Variants in MTMR8 observed in about 807,000 individuals in gnomAD.
MTMR8 encodes the protein myotubularin related protein 8.
In MTMR8, 65 loss-of-function variants were observed where a neutral mutation model predicts 39.3. That is an observed-to-expected ratio of 1.65 (90% confidence interval 1.35 to 2.03). MTMR8 has a LOEUF of 2.03. Among genes scored for constraint, MTMR8 ranks in the 30% most tolerant of loss-of-function variants. MTMR8 has a pLI of 0.00. For missense variants in MTMR8, 777 were observed against 538.9 expected, an observed-to-expected ratio of 1.44 and a Z score of -4.37; for synonymous variants, 245 against 185.2, an observed-to-expected ratio of 1.32 and a Z score of -2.62.
rs748326400 is a variant in MTMR8, at chrX:64,340,387, G to A, written c.976-2994C>T. On this transcript the variant is annotated intron_variant, in intron 8 of 13. Transcript: ENST00000374852. The stretch of plus-strand genomic sequence containing the variant: ...GAAGAACCAGGATGGAAAAGAAGAC[G>A]GCAAGGCTGTTCCCAACATCCTTAA... Among the ~76,000 whole-genome samples, 180 of 111,326 alleles carry A rather than the reference G, an allele frequency of 1.6e-3. 2 individuals are homozygous for A. Among genetic ancestry groups the A allele is most frequent in the Middle Eastern group, 4.6e-3 (1 of 217 alleles).
At chrX:64,287,329 G>A (rs958012090) in intron 12 of MTMR8, among the ~76,000 whole-genome samples, 16 of 111,546 alleles carry the variant, frequency 1.4e-4, no homozygotes, top group Non-Finnish European at 3.0e-4. Flanking sequence ...ACAAACAAAT[G>A]GAAGAACATT....
intron 12 of MTMR8, among the ~76,000 whole-genome samples, chrX:64,288,477 A>G (rs1170523901): frequency 8.9e-6 from 1 of 111,783 alleles, no homozygotes; most frequent in African/African-American, 3.3e-5. Flanking sequence ...TCAGGGATCT[A>G]GAACTAGAAA....
At chrX:64,304,078 T>C (rs1413043928) in intron 12 of MTMR8, among the ~76,000 whole-genome samples, 1 of 112,268 alleles carries the variant, frequency 8.9e-6, no homozygotes, top group Non-Finnish European at 1.9e-5. Flanking sequence ...GCATCAAACA[T>C]TCATTCAGTG....
chrX:64,299,298 T>G (rs1475762061), intron 12 of MTMR8, among the ~76,000 whole-genome samples: 1 of 73,967 alleles, frequency 1.4e-5, no homozygotes, highest in Admixed American at 1.6e-4. Context: ...TCTTCCTGGT[T>G]TAGTCTTGGG....
chrX:64,341,340 G>T (rs761676155), intron 8 of MTMR8, among the ~76,000 whole-genome samples: 4 of 110,126 alleles, frequency 3.6e-5, no homozygotes, highest in Non-Finnish European at 7.6e-5. Flanking sequence ...TTAGTCAGGC[G>T]TGGTGGCATG....
intron 6 of MTMR8, among the ~76,000 whole-genome samples, chrX:64,347,310 G>A (rs1456335711): frequency 1.8e-5 from 2 of 111,498 alleles, no homozygotes; most frequent in African/African-American, 6.5e-5. Context: ...TTCTTCAAAA[G>A]CTTGGTGTAT....
chrX:64,367,603 C>T (rs993855879), intron 1 of MTMR8, among the ~76,000 whole-genome samples: 41 of 111,457 alleles, frequency 3.7e-4, no homozygotes, highest in South Asian at 1.1e-3. Context: ...ATTGATGGAA[C>T]GTATCTCAAA....
intron 12 of MTMR8, among the ~76,000 whole-genome samples, chrX:64,295,611 A>T (rs1033091111): frequency 1.9e-4 from 21 of 111,808 alleles, no homozygotes; most frequent in African/African-American, 5.5e-4. Context: ...CTAAAACTCA[A>T]CCACAAAAAA....
Position 64,268,528 on chromosome X carries a change from G to A in MTMR8, c.*9C>T. 1 of 1,196,033 alleles carries A rather than the reference G, an allele frequency of 8.4e-7. No homozygotes were observed. The highest frequency in any genetic ancestry group is 1.1e-6 in the Non-Finnish European group (1 of 888,526). On this transcript the variant is annotated 3_prime_UTR_variant, in exon 14 of 14. Transcript: ENST00000374852. ...TAGGTATACCTAGCATGGAAGATGA[G>A]TAACTAACTCACTGATGCTTGGAGT...
intron 12 of MTMR8, among the ~76,000 whole-genome samples, chrX:64,271,915 G>A (rs1433400209): frequency 8.9e-6 from 1 of 112,388 alleles, no homozygotes; most frequent in African/African-American, 3.2e-5. Flanking sequence ...GTTGGAACAT[G>A]CACACAGCAT....
chrX:64,321,947 C>T (rs187670209), intron 12 of MTMR8, among the ~76,000 whole-genome samples: 15 of 111,721 alleles, frequency 1.3e-4, no homozygotes, highest in African/African-American at 4.6e-4. Context: ...CACTAGCATT[C>T]TGTATCACAT....
rs368703431 is a variant in MTMR8 at position 64,356,364 on chromosome X, A to G, written c.148-26T>C. 2.4e-4 allele frequency: 284 copies of G among 1,172,820 alleles called. 1 individual carries two copies. The African/African-American group carries it at 4.7e-3, about 19-fold the overall frequency. On this transcript the variant is annotated intron_variant, in intron 2 of 13. Transcript: ENST00000374852. ...CTGAAAAACATAAAAGAACCAGCGT[A>G]AACATACAGATGTGCAATATCTCTA... is the stretch of plus-strand genomic sequence containing the variant.
intron 12 of MTMR8, among the ~76,000 whole-genome samples, chrX:64,281,326 C>T (rs751666084): frequency 2.7e-5 from 3 of 111,802 alleles, no homozygotes; most frequent in Non-Finnish European, 3.8e-5. Flanking sequence ...GTAACCAAAA[C>T]AGCATGGTAT....
At chrX:64,316,552 G>A (rs2147213676) in intron 12 of MTMR8, among the ~76,000 whole-genome samples, 1 of 111,549 alleles carries the variant, frequency 9.0e-6, no homozygotes, top group Admixed American at 9.5e-5. Flanking sequence ...GGAGGCTGAG[G>A]CAGGAGGATC....
chrX:64,306,402 A>G (rs950779477), intron 12 of MTMR8: 1 of 168,540 alleles, frequency 5.9e-6, no homozygotes, highest in African/African-American at 3.1e-5. Context: ...AACAGGTAGT[A>G]TTCCAGATTT....
At chrX:64,377,731 A>T (rs979316717) in intron 1 of MTMR8, among the ~76,000 whole-genome samples, 1 of 111,808 alleles carries the variant, frequency 8.9e-6, no homozygotes, top group African/African-American at 3.3e-5. Flanking sequence ...GACTCTGGGG[A>T]ACTGTTAAAA....
At chrX:64,361,676 G>A (rs373713948) in intron 1 of MTMR8, among the ~76,000 whole-genome samples, 4 of 110,952 alleles carry the variant, frequency 3.6e-5, no homozygotes, top group East Asian at 2.8e-4. Context: ...AAAAGTAAAC[G>A]ATCTTAACTT....
At chrX:64,337,445 T>C in intron 8 of MTMR8, 52 bp from the exon 9 acceptor site, 1 of 1,179,523 alleles carries the variant, frequency 8.5e-7, no homozygotes. Context: ...GCACAGCTTG[T>C]TGGATTAAAG....
chrX:64,275,822 A>C (rs1931861486), intron 12 of MTMR8, among the ~76,000 whole-genome samples: 1 of 111,426 alleles, frequency 9.0e-6, no homozygotes, highest in African/African-American at 3.3e-5. Flanking sequence ...AATAAAAAAG[A>C]TCATAAGGAC....
Sources: allele counts gnomAD v4.1 joint callset (sites outside exome capture counted in the v4.1 genomes callset), GRCh38; gene constraint gnomAD v4.1.1; transcripts MANE v1.5; gene names NCBI Gene and HGNC (gene_info 2026-07-23, HGNC 2026-07-21).